The following CCDC73 variants were observed in gnomAD, a reference collection of about 807,000 sequenced individuals.
CCDC73 encodes the protein coiled-coil domain-containing protein 73.
CCDC73 carries 95 observed loss-of-function variants against 116.5 expected under a neutral mutation model. The ratio of observed to expected loss-of-function variants is 0.82; its 90% CI spans 0.69 to 0.97. The LOEUF (loss-of-function observed/expected upper bound fraction) is 0.97. Among genes scored for constraint, CCDC73 ranks in the 50% least tolerant of loss-of-function variants. The pLI is 0.00. For synonymous variants in CCDC73, 398 were observed against 401.3 expected, an observed-to-expected ratio of 0.99 and a Z score of 0.10; for missense variants, 1,066 against 1,206.8, an observed-to-expected ratio of 0.88 and a Z score of 1.73.
the CCDC73 span, among the ~76,000 whole-genome samples, chr11:32,810,343 G>T: frequency 6.6e-6 from 1 of 152,144 alleles, no homozygotes; most frequent in Non-Finnish European, 1.5e-5. Context: ...ATGACTACTT[G>T]CTTTTTGGTT....
At chr11:32,769,759 A>T (rs2133385793) in intron 1 of CCDC73, among the ~76,000 whole-genome samples, 1 of 152,258 alleles carries the variant, frequency 6.6e-6, no homozygotes, top group Non-Finnish European at 1.5e-5. Flanking sequence ...ATCTGTCAAA[A>T]TCTTACCCAT....
At chr11:32,636,172 A>T (rs1451711631) in intron 13 of CCDC73, among the ~76,000 whole-genome samples, 1 of 152,198 alleles carries the variant, frequency 6.6e-6, no homozygotes, top group Non-Finnish European at 1.5e-5. Context: ...GTCCTTAATG[A>T]CAATATTAAA....
intron 6 of CCDC73, among the ~76,000 whole-genome samples, chr11:32,695,799 G>A (rs1379818551): frequency 1.4e-5 from 2 of 147,554 alleles, no homozygotes; most frequent in Non-Finnish European, 3.0e-5. Context: ...AAAGACCCTG[G>A]GCTGAAGTAA....
chr11:32,731,172 A>G (rs7104377), intron 2 of CCDC73, among the ~76,000 whole-genome samples: 12,845 of 152,256 alleles, frequency 0.084, 622 homozygotes, highest in South Asian at 0.12. Flanking sequence ...AGCTTGGCTC[A>G]CTGCTAGCAC....
chr11:32,740,735 G>A (rs1189908822), intron 2 of CCDC73, among the ~76,000 whole-genome samples: 4 of 151,524 alleles, frequency 2.6e-5, no homozygotes, highest in Non-Finnish European at 5.9e-5. Context: ...GTTTGCTCTT[G>A]CTTTTCTAGT....
the CCDC73 span, chr11:32,829,711 A>G: frequency 1.1e-6 from 1 of 942,810 alleles, no homozygotes; most frequent in Non-Finnish European, 1.3e-6. Flanking sequence ...TGCAGACACA[A>G]ATCGAAAAGC....
At chr11:32,680,977 G>A (rs1001565618) in intron 7 of CCDC73, 1 of 151,918 alleles carries the variant, frequency 6.6e-6, no homozygotes, top group East Asian at 1.9e-4. Context: ...GCTAATATAT[G>A]TGTGTACATA....
chr11:32,650,748 G>A (rs1482461962), intron 12 of CCDC73, among the ~76,000 whole-genome samples: 2 of 152,024 alleles, frequency 1.3e-5, no homozygotes, highest in African/African-American at 4.8e-5. Context: ...CAAAACTTTC[G>A]TTACATGATA....
At chr11:32,738,898 T>C (rs909722065) in intron 2 of CCDC73, among the ~76,000 whole-genome samples, 9 of 152,178 alleles carry the variant, frequency 5.9e-5, no homozygotes, top group Non-Finnish European at 1.3e-4. Flanking sequence ...AGTGGTCTAC[T>C]TTCATTCTTC....
At chr11:32,773,675 G>A (rs1383888896) in intron 1 of CCDC73, among the ~76,000 whole-genome samples, 1 of 151,858 alleles carries the variant, frequency 6.6e-6, no homozygotes, top group African/African-American at 2.4e-5. Flanking sequence ...AGTTACTTGG[G>A]AGGCTGAGGT....
chr11:32,604,393 G>A (rs1855318825), intron 17 of CCDC73: 1 of 152,170 alleles, frequency 6.6e-6, no homozygotes, highest in African/African-American at 2.4e-5. Context: ...TTACAGGAGT[G>A]AGCCATACTG....
At chr11:32,678,337 C>A (rs1856110436) in intron 7 of CCDC73, among the ~76,000 whole-genome samples, 1 of 152,084 alleles carries the variant, frequency 6.6e-6, no homozygotes, top group Non-Finnish European at 1.5e-5. Flanking sequence ...TGGTCAAAAG[C>A]TAGTCTGCCT....
chr11:32,622,365 T>C (rs925601699), intron 14 of CCDC73, among the ~76,000 whole-genome samples: 4 of 152,078 alleles, frequency 2.6e-5, no homozygotes, highest in African/African-American at 9.7e-5. Flanking sequence ...TATAAGGACA[T>C]AGATGAAACT....
In CCDC73 at chr11:32,702,961, G is replaced by A. The variant is rs990976696; in HGVS notation, c.208-17C>T. 8.3e-6 allele frequency: 13 copies of A among 1,575,014 alleles called. No individual in the cohort carries two copies. The African/African-American group carries it at 1.1e-4, about 13-fold the overall frequency. On this transcript the variant is annotated splice_polypyrimidine_tract_variant and intron_variant, in intron 3 of 17. Coordinates refer to ENST00000335185, the MANE Select transcript of CCDC73 (RefSeq NM_001008391.4). ...AAGAGTTTCCTGTTTTAAAAATTATGACAAGTTAAAACACAAATTCTAGCA... is the reference window on the plus strand; with the variant it reads ...AAGAGTTTCCTGTTTTAAAAATTATAACAAGTTAAAACACAAATTCTAGCA...
chr11:32,702,819 G>T, intron 4 of CCDC73, 54 bp downstream of exon 4: 1 of 1,165,640 alleles, frequency 8.6e-7, no homozygotes, highest in Non-Finnish European at 1.3e-6. Flanking sequence ...TCATAGGAGG[G>T]GGAGGAAATG....
At chr11:32,731,379 C>A (rs939687661) in intron 2 of CCDC73, among the ~76,000 whole-genome samples, 8 of 152,200 alleles carry the variant, frequency 5.3e-5, no homozygotes, top group Admixed American at 1.3e-4. Flanking sequence ...GCATCAGAAA[C>A]CTCTGCAGAA....
intron 5 of CCDC73, among the ~76,000 whole-genome samples, chr11:32,699,657 T>A (rs1305352424): frequency 6.6e-6 from 1 of 151,980 alleles, no homozygotes; most frequent in Non-Finnish European, 1.5e-5. Flanking sequence ...CACATGTTCT[T>A]ACTCATAGGT....
chr11:32,657,684 G>C (rs879488892), intron 9 of CCDC73, among the ~76,000 whole-genome samples: 4 of 152,040 alleles, frequency 2.6e-5, no homozygotes, highest in African/African-American at 9.7e-5. Context: ...TATTTTACCA[G>C]CTCCCTCCCT....
At chr11:32,740,260 A>G (rs1335800019) in intron 2 of CCDC73, among the ~76,000 whole-genome samples, 1 of 151,974 alleles carries the variant, frequency 6.6e-6, no homozygotes, top group Admixed American at 6.6e-5. Context: ...TAGTTTGAGT[A>G]GAATTGGTAT....
Sources: gnomAD v4.1 joint callset for allele counts (sites outside exome capture counted in the v4.1 genomes callset) on GRCh38, gnomAD v4.1.1 for gene constraint, MANE v1.5 for transcripts, NCBI Gene and HGNC (gene_info 2026-07-23, HGNC 2026-07-21) for gene names.